PRORP: variants seen among roughly 807,000 people sequenced by gnomAD.
The protein encoded by PRORP is protein only RNase P catalytic subunit, also known as mitochondrial ribonuclease P catalytic subunit.
Under a neutral mutation model 59.4 loss-of-function variants are expected in PRORP, and 51 were observed. That is an observed-to-expected ratio of 0.86 (90% confidence interval 0.69 to 1.08). The LOEUF is 1.08. Among genes scored for constraint, PRORP ranks in the 50% least tolerant of loss-of-function variants. The probability of loss-of-function intolerance (pLI) is 0.00; values close to 1 mark genes in which losing one functional copy is unlikely to be tolerated. For missense variants in PRORP, 646 were observed against 690.3 expected (o/e 0.94, Z 0.72); for synonymous variants, 231 against 245.6 (o/e 0.94, Z 0.55).
chr14:35,163,402 T>C (rs548547925), intron 4 of PRORP, among the ~76,000 whole-genome samples: 1 of 152,264 alleles, frequency 6.6e-6, no homozygotes, highest in East Asian at 1.9e-4. Flanking sequence ...TAGTAAGGTG[T>C]TGTGACCTGC....
chr14:35,152,066 A>AGAG (rs1465503920), intron 4 of PRORP, among the ~76,000 whole-genome samples: 1 of 152,090 alleles, frequency 6.6e-6, no homozygotes, highest in Non-Finnish European at 1.5e-5. Flanking sequence ...TTTCCTAGGC[A>AGAG]GAGGACCCTG....
intron 4 of PRORP, among the ~76,000 whole-genome samples, chr14:35,166,642 A>G: frequency 1.3e-5 from 2 of 151,968 alleles, no homozygotes; most frequent in Non-Finnish European, 2.9e-5. Context: ...TAGTAGAGAC[A>G]GGGTTTCACC....
chr14:35,122,363 T>C (rs1397428069), upstream of PRORP: 1 of 190,134 alleles, frequency 5.3e-6, no homozygotes, highest in East Asian at 1.4e-4. Context: ...TCATTGTTCA[T>C]TGCGGATATC....
intron 6 of PRORP, among the ~76,000 whole-genome samples, chr14:35,267,150 C>T (rs370715580): frequency 2.0e-5 from 3 of 152,030 alleles, no homozygotes; most frequent in Admixed American, 6.5e-5. Flanking sequence ...ATTAGTACAC[C>T]GAATACATGC....
At chr14:35,125,151 G>A (rs1208631009) in intron 2 of PRORP, among the ~76,000 whole-genome samples, 2 of 152,036 alleles carry the variant, frequency 1.3e-5, no homozygotes, top group Non-Finnish European at 2.9e-5. Flanking sequence ...GTGAACCACC[G>A]CGTCCGGCCT....
intron 4 of PRORP, among the ~76,000 whole-genome samples, chr14:35,156,411 C>T (rs2047914335): frequency 6.6e-6 from 1 of 152,284 alleles, no homozygotes; most frequent in Non-Finnish European, 1.5e-5. Flanking sequence ...GATTGAGCTA[C>T]CTACAGGGCT....
intron 5 of PRORP, among the ~76,000 whole-genome samples, chr14:35,263,714 G>A (rs531471121): frequency 3.4e-4 from 51 of 152,022 alleles, no homozygotes; most frequent in Non-Finnish European, 7.1e-4. Context: ...ATAATATTGG[G>A]TACTCCGTTA....
chr14:35,255,350 G>A (rs561965120), intron 5 of PRORP, among the ~76,000 whole-genome samples: 163 of 151,954 alleles, frequency 1.1e-3, no homozygotes, highest in Non-Finnish European at 1.7e-3. Flanking sequence ...GGCTGGTCTC[G>A]AACTCCTGAC....
intron 4 of PRORP, among the ~76,000 whole-genome samples, chr14:35,177,958 T>C (rs982488293): frequency 1.3e-5 from 2 of 152,218 alleles, no homozygotes; most frequent in African/African-American, 4.8e-5. Flanking sequence ...TTGTTCTCAT[T>C]GGTTTCAAAG....
At chr14:35,242,706 G>A (rs1014483680) in intron 5 of PRORP, among the ~76,000 whole-genome samples, 1 of 152,044 alleles carries the variant, frequency 6.6e-6, no homozygotes, top group South Asian at 2.1e-4. Flanking sequence ...CAATATTTTG[G>A]AAGTTTTAAA....
At chr14:35,245,220 T>G (rs1160925706) in intron 5 of PRORP, among the ~76,000 whole-genome samples, 2 of 152,178 alleles carry the variant, frequency 1.3e-5, no homozygotes, top group Non-Finnish European at 2.9e-5. Flanking sequence ...AACAAAAATT[T>G]TTTACATTTT....
intron 4 of PRORP, among the ~76,000 whole-genome samples, chr14:35,128,143 C>G (rs1040266833): frequency 5.3e-5 from 8 of 152,166 alleles, no homozygotes; most frequent in African/African-American, 1.7e-4. Context: ...ATTGAACCAT[C>G]CTTACGTCTC....
At chr14:35,234,562 C>T (rs562218799) in intron 5 of PRORP, among the ~76,000 whole-genome samples, 2 of 152,124 alleles carry the variant, frequency 1.3e-5, no homozygotes, top group South Asian at 4.1e-4. Flanking sequence ...CACAAAGGCT[C>T]CTACGCCCCT....
chr14:35,207,432 T>G (rs140610391), intron 5 of PRORP, among the ~76,000 whole-genome samples: 1 of 152,314 alleles, frequency 6.6e-6, no homozygotes, highest in East Asian at 1.9e-4. Flanking sequence ...TCACCATCAA[T>G]AAAGAAACTA....
At position 35,123,232 on chromosome 14, in the gene PRORP, G is replaced by T; in HGVS notation, c.-14G>T. On this transcript the variant is annotated 5_prime_UTR_variant, in exon 2 of 8. Transcript: ENST00000534898. Reference sequence around the variant, plus strand: ...AACATCTCTCTCACTATCTGGTGCTGATCTCACTGCATAATGACTTTCTAT... The same window carrying T: ...AACATCTCTCTCACTATCTGGTGCTTATCTCACTGCATAATGACTTTCTAT... 1 of 1,599,700 alleles carries T rather than the reference G, an allele frequency of 6.3e-7. No homozygotes were observed. The highest frequency in any genetic ancestry group is 1.1e-5 in the South Asian group (1 of 90,806).
chr14:35,124,043 A>G lies in PRORP; in HGVS notation c.798A>G (p.Leu266=), dbSNP rs145104379. Residue 266 remains leucine (L), a synonymous_variant, in exon 2 of 8, where the codon TTA becomes TTG. Transcript: ENST00000534898. The part of the protein sequence containing the change: ...LHQDVNTAWN[L]YQELLGHDIV... ...AAGATGTAAACACAGCTTGGAATTT[A>G]TATCAGGAATTGCTAGGTCATGATA... 81 of 1,613,802 alleles carry G rather than the reference A, an allele frequency of 5.0e-5. No homozygotes were observed. The African/African-American group carries it at 9.7e-4, about 19-fold the overall frequency.
At chr14:35,140,395 G>A (rs1169825927) in intron 4 of PRORP, among the ~76,000 whole-genome samples, 2 of 145,504 alleles carry the variant, frequency 1.4e-5, no homozygotes, top group African/African-American at 4.9e-5. Context: ...TAATAGGTAT[G>A]AAGTGGTATC....
At chr14:35,193,017 A>G (rs2048922446) in intron 5 of PRORP, among the ~76,000 whole-genome samples, 1 of 151,384 alleles carries the variant, frequency 6.6e-6, no homozygotes, top group South Asian at 2.1e-4. Flanking sequence ...TGAAGTGGAA[A>G]GCTTCTAATG....
intron 4 of PRORP, among the ~76,000 whole-genome samples, chr14:35,152,643 T>C (rs2047795050): frequency 1.3e-5 from 2 of 151,714 alleles, no homozygotes; most frequent in Non-Finnish European, 2.9e-5. Flanking sequence ...ACAGGGCGGC[T>C]GCCTGGCGGA....
Sources: gnomAD v4.1 joint callset for allele counts (sites outside exome capture counted in the v4.1 genomes callset) on GRCh38, gnomAD v4.1.1 for gene constraint, MANE v1.5 for transcripts, NCBI Gene and HGNC (gene_info 2026-07-23, HGNC 2026-07-21) for gene names.